Variants in THSD7B observed in about 807,000 individuals in gnomAD.
THSD7B encodes thrombospondin type-1 domain-containing protein 7B.
A neutral mutation model predicts 213.6 loss-of-function variants in THSD7B; 138 were observed. The observed-to-expected ratio is 0.65, with a 90% confidence interval of 0.56 to 0.74. The LOEUF (loss-of-function observed/expected upper bound fraction) is 0.74, where lower values mean the gene tolerates loss of function less well. Among genes scored for constraint, THSD7B ranks in the 30% least tolerant of loss-of-function variants. The probability of loss-of-function intolerance (pLI) is 0.00; values close to 1 mark genes in which losing one functional copy is unlikely to be tolerated. For missense variants in THSD7B, 1,931 were observed against 1,991.5 expected, an observed-to-expected ratio of 0.97 and a Z score of 0.58; for synonymous variants, 742 against 687.0, an observed-to-expected ratio of 1.08 and a Z score of -1.25.
At chr2:137,467,384 ATGT>A (rs977750310) in intron 15 of THSD7B, among the ~76,000 whole-genome samples, 3 of 152,112 alleles carry the variant, frequency 2.0e-5, no homozygotes, top group South Asian at 2.1e-4. Context: ...CATCTGACAG[ATGT>A]TGTTTCAGTG....
intron 15 of THSD7B, among the ~76,000 whole-genome samples, chr2:137,498,394 T>G (rs1340759379): frequency 6.6e-6 from 1 of 152,050 alleles, no homozygotes; most frequent in Non-Finnish European, 1.5e-5. Context: ...TGAATTGATT[T>G]CATAATCAAG....
chr2:137,651,489 TTTTG>T (rs1272057480), intron 21 of THSD7B, among the ~76,000 whole-genome samples: 1 of 152,038 alleles, frequency 6.6e-6, no homozygotes, highest in Non-Finnish European at 1.5e-5. Flanking sequence ...AGTTTGTCAG[TTTTG>T]TTTATTTTTT....
At chr2:137,245,200 G>A (rs181913649) in intron 10 of THSD7B, among the ~76,000 whole-genome samples, 1 of 152,234 alleles carries the variant, frequency 6.6e-6, no homozygotes, top group African/African-American at 2.4e-5. Context: ...GTAGATTGGG[G>A]CATAAGAGCA....
At chr2:137,553,856 A>G (rs1005830971) in intron 15 of THSD7B, among the ~76,000 whole-genome samples, 1 of 152,232 alleles carries the variant, frequency 6.6e-6, no homozygotes, top group African/African-American at 2.4e-5. Flanking sequence ...GGCAGAGCAT[A>G]AAAGACTGAC....
At chr2:136,882,433 A>T in intron 2 of THSD7B, 116 bp downstream of exon 2, 2 of 1,082,574 alleles carry the variant, frequency 1.8e-6, no homozygotes, top group South Asian at 3.6e-5. Context: ...GGAAAAATAG[A>T]CTCTTTTTTT....
intron 11 of THSD7B, 59 bp downstream of exon 11, chr2:137,272,721 T>A: frequency 6.4e-7 from 1 of 1,559,626 alleles, no homozygotes; most frequent in Non-Finnish European, 8.7e-7. Context: ...ACCTATTTTC[T>A]TTCACATAAC....
At chr2:137,539,240 G>A (rs894556166) in intron 15 of THSD7B, among the ~76,000 whole-genome samples, 2 of 151,652 alleles carry the variant, frequency 1.3e-5, no homozygotes, top group Non-Finnish European at 3.0e-5. Context: ...CAAGTGCTAA[G>A]TGTAGCTAAA....
chr2:136,821,184 C>T (rs1304686459), intron 1 of THSD7B, among the ~76,000 whole-genome samples: 1 of 150,738 alleles, frequency 6.6e-6, no homozygotes, highest in Non-Finnish European at 1.5e-5. Context: ...TTTACAGAGT[C>T]ACGTATTTAC....
chr2:137,216,822 G>A (rs1350868973), intron 7 of THSD7B, among the ~76,000 whole-genome samples: 1 of 152,132 alleles, frequency 6.6e-6, no homozygotes, highest in Non-Finnish European at 1.5e-5. Context: ...TACATCATAG[G>A]CTCCAGCTGC....
At chr2:137,616,890 C>T (rs368306805) in intron 18 of THSD7B, among the ~76,000 whole-genome samples, 40 of 152,290 alleles carry the variant, frequency 2.6e-4, no homozygotes, top group African/African-American at 5.8e-4. Context: ...TACATTGATC[C>T]GCTACTTGCC....
At chr2:137,237,794 T>A (rs1681801946) in intron 9 of THSD7B, among the ~76,000 whole-genome samples, 1 of 152,130 alleles carries the variant, frequency 6.6e-6, no homozygotes. Flanking sequence ...AATGTGTAGA[T>A]AAAGAGGAAG....
intron 13 of THSD7B, 79 bp from the exon 14 acceptor site, chr2:137,411,530 T>C: frequency 7.5e-7 from 1 of 1,326,808 alleles, no homozygotes; most frequent in Non-Finnish European, 1.0e-6. Context: ...TCTAAAAGAT[T>C]ACAAATACAA....
chr2:137,385,306 G>T (rs112312675), intron 12 of THSD7B, among the ~76,000 whole-genome samples: 141 of 152,364 alleles, frequency 9.3e-4, no homozygotes, highest in African/African-American at 3.3e-3. Context: ...AACCCATGAT[G>T]AAATAATTGC....
chr2:137,340,981 G>GTTTTTTTTTTTTTTTTTTTT (rs70978213), intron 12 of THSD7B, among the ~76,000 whole-genome samples: 1 of 98,662 alleles, frequency 1.0e-5, no homozygotes, highest in African/African-American at 3.4e-5. Context: ...TTCTCTTTTT[G>GTTTTTTTTTTTTTTTTTTTT]TTTTTTTTTT....
chr2:136,969,531 A>C (rs560240983), intron 2 of THSD7B, among the ~76,000 whole-genome samples: 1 of 152,200 alleles, frequency 6.6e-6, no homozygotes, highest in African/African-American at 2.4e-5. Context: ...TGACTTCATT[A>C]ATCAATTCAT....
chr2:136,817,773 G>A (rs2104935298), intron 1 of THSD7B, among the ~76,000 whole-genome samples: 1 of 150,866 alleles, frequency 6.6e-6, no homozygotes, highest in East Asian at 1.9e-4. Context: ...AGACATTTAT[G>A]CAGCCAAAAA....
chr2:137,311,447 G>A (rs980800985), intron 12 of THSD7B, among the ~76,000 whole-genome samples: 2 of 152,110 alleles, frequency 1.3e-5, no homozygotes, highest in Non-Finnish European at 2.9e-5. Flanking sequence ...CATGTCGTCT[G>A]CAGACAGGGA....
intron 3 of THSD7B, among the ~76,000 whole-genome samples, chr2:137,064,391 T>C (rs1687337882): frequency 6.6e-6 from 1 of 152,056 alleles, no homozygotes; most frequent in African/African-American, 2.4e-5. Context: ...GAGCTTCTTA[T>C]GTAATCTGGT....
At chr2:137,637,262 A>G (rs1172842215) in intron 20 of THSD7B, among the ~76,000 whole-genome samples, 1 of 152,216 alleles carries the variant, frequency 6.6e-6, no homozygotes, top group East Asian at 1.9e-4. Flanking sequence ...TATTGATAAC[A>G]TCCACATTCC....
Sources: gnomAD v4.1 joint callset for allele counts (sites outside exome capture counted in the v4.1 genomes callset) on GRCh38, gnomAD v4.1.1 for gene constraint, MANE v1.5 for transcripts, NCBI Gene and HGNC (gene_info 2026-07-23, HGNC 2026-07-21) for gene names.